NEU3: variants seen among roughly 807,000 people sequenced by gnomAD.
The protein encoded by NEU3 is sialidase-3.
NEU3 carries 10 observed loss-of-function variants against 11.4 expected under a neutral mutation model. That is an observed-to-expected ratio of 0.88 (90% CI 0.54 to 1.49). The LOEUF (loss-of-function observed/expected upper bound fraction) is 1.49. Among genes scored for constraint, NEU3 ranks in the 40% most tolerant of loss-of-function variants. The pLI, the probability that NEU3 is intolerant of heterozygous loss-of-function variation, is 0.00. For missense variants in NEU3, 529 were observed against 581.8 expected (o/e 0.91, Z 0.93); for synonymous variants, 212 against 228.2 (o/e 0.93, Z 0.64).
downstream of NEU3, among the ~76,000 whole-genome samples, chr11:75,019,698 T>G (rs1192832010): frequency 6.6e-6 from 1 of 152,218 alleles, no homozygotes; most frequent in Non-Finnish European, 1.5e-5. Flanking sequence ...TTTCAGAGGA[T>G]GTATGAAAAC....
chr11:74,990,822 T>C (rs1483630449), intron 1 of NEU3, among the ~76,000 whole-genome samples: 1 of 152,196 alleles, frequency 6.6e-6, no homozygotes, highest in African/African-American at 2.4e-5. Context: ...GAGTTTAAAG[T>C]ATGTTCTCTT....
At chr11:75,013,625 G>T (rs1202431124), downstream of NEU3, among the ~76,000 whole-genome samples, 1 of 152,168 alleles carries the variant, frequency 6.6e-6, no homozygotes, top group Non-Finnish European at 1.5e-5. Context: ...AAGTAGTTGG[G>T]AAGGGACTTG....
Position 75,006,268 on chromosome 11 carries a change from G to A in NEU3, c.1162G>A (p.Ala388Thr), listed in dbSNP as rs928119252. Reference protein sequence around the residue: ...IYLNQTPLEAACWSRPWILHC... With the variant: ...IYLNQTPLEATCWSRPWILHC... ...TCTCAACCAGACCCCCTTGGAGGCT[G>A]CCTGCTGGTCCCGCCCCTGGATCTT... The change falls in exon 3 of 3, where the codon GCC becomes ACC. Residue 388 changes from alanine to threonine, a missense_variant. Physicochemically the swap from Ala to Thr is moderately conservative, Grantham distance 58. Transcript: ENST00000294064. 6.2e-7 allele frequency: 1 copy of A among 1,613,858 alleles called. No homozygotes were observed. The highest frequency in any genetic ancestry group is 1.3e-5 in the African/African-American group (1 of 74,930).
chr11:75,019,645 T>C (rs540861086), downstream of NEU3, among the ~76,000 whole-genome samples: 7 of 152,330 alleles, frequency 4.6e-5, no homozygotes, highest in East Asian at 1.2e-3. Flanking sequence ...AGCCTCCCAG[T>C]GCACAGAAGT....
downstream of NEU3, among the ~76,000 whole-genome samples, chr11:75,019,374 T>G (rs1806979230): frequency 6.6e-6 from 1 of 152,210 alleles, no homozygotes; most frequent in Non-Finnish European, 1.5e-5. Flanking sequence ...AATGGTTTCA[T>G]GGGCTGGGCC....
Position 75,005,395 on chromosome 11 carries a change from T to G in NEU3, c.307-18T>G, listed in dbSNP as rs182333615. The G allele has an allele frequency of 1.6e-3, 2,506 of 1,565,736 alleles. 3 individuals carry two copies. The highest frequency in any genetic ancestry group is 1.9e-3 in the Non-Finnish European group (2,140 of 1,156,224). Reference sequence around the variant, plus strand: ...CTATTAGTATCTCACTCCTACTTTCTCCCTTCTCCTTGTCTAGTGGGGGCC... The same window carrying G: ...CTATTAGTATCTCACTCCTACTTTCGCCCTTCTCCTTGTCTAGTGGGGGCC... On this transcript the variant is annotated intron_variant, in intron 2 of 2. Coordinates refer to ENST00000294064, the MANE Select transcript of NEU3 (RefSeq NM_006656.6).
At chr11:74,985,640 C>G (rs1341766930), upstream of NEU3, among the ~76,000 whole-genome samples, 1 of 152,048 alleles carries the variant, frequency 6.6e-6, no homozygotes, top group Non-Finnish European at 1.5e-5. Context: ...ATTTATTCTT[C>G]GATAAAATAA....
At chr11:75,020,514 G>A (rs371612282), downstream of NEU3, among the ~76,000 whole-genome samples, 35 of 152,276 alleles carry the variant, frequency 2.3e-4, 1 homozygote, top group South Asian at 6.9e-3. Context: ...AGTCTCATGA[G>A]GTCTGATGGC....
upstream of NEU3, chr11:74,988,836 A>G (rs1181245224): frequency 9.2e-6 from 5 of 542,314 alleles, no homozygotes; most frequent in Non-Finnish European, 1.6e-5. Context: ...AGGGGGCGGG[A>G]CGGGGAGGGC....
At chr11:75,004,225 TCAA>T in intron 2 of NEU3, 1 of 622,816 alleles carries the variant, frequency 1.6e-6, no homozygotes, top group Non-Finnish European at 2.8e-6. Context: ...CACAGTATTG[TCAA>T]GCTTTATGAT....
the NEU3 span, among the ~76,000 whole-genome samples, chr11:74,982,659 C>T: frequency 6.6e-6 from 1 of 152,068 alleles, no homozygotes; most frequent in African/African-American, 2.4e-5. Flanking sequence ...CTCCTTGGCC[C>T]CATGGGGACA....
At chr11:74,998,103 G>C (rs1169964932) in intron 2 of NEU3, among the ~76,000 whole-genome samples, 1 of 152,202 alleles carries the variant, frequency 6.6e-6, no homozygotes, top group African/African-American at 2.4e-5. Context: ...CTGAAGGAAA[G>C]GAAGAGAGAT....
upstream of NEU3, chr11:74,988,844 GGCTCGCGGAGTA>G (rs2140230048): frequency 1.8e-6 from 1 of 552,588 alleles, no homozygotes; most frequent in South Asian, 2.2e-5. Context: ...GGACGGGGAG[GGCTCGCGGAGTA>G]GGCCAACGGT....
In NEU3 at chr11:75,006,706, G is replaced by T. The variant is rs1948903924; in HGVS notation, c.*214G>T. The T allele has an allele frequency of 1.8e-5, 10 of 550,470 alleles. No homozygotes were observed. Among genetic ancestry groups the T allele is most frequent in the Non-Finnish European group, 3.1e-5 (10 of 320,312 alleles). 34.1% of individuals were successfully genotyped at this position (550,470 alleles called of 1,614,324 possible). On this transcript the variant is annotated 3_prime_UTR_variant, in exon 3 of 3. Coordinates refer to ENST00000294064, the MANE Select transcript of NEU3 (RefSeq NM_006656.6). ...GTTGGAAGACAAGGATGTGGTCCTG[G>T]CTCTGCCACTGGCTTGCTTTTGGAC... is the stretch of plus-strand genomic sequence containing the variant.
Position 74,994,546 on chromosome 11 carries a change from C to A in NEU3, c.132C>A (p.Ser44Arg), listed in dbSNP as rs1186995007. The A allele has an allele frequency of 1.2e-6, 2 of 1,613,294 alleles. No individual in the cohort carries two copies. The highest frequency in any genetic ancestry group is 1.7e-6 in the Non-Finnish European group (2 of 1,179,528). Residue 44 changes from serine to arginine, a missense_variant, in exon 2 of 3, where the codon AGC (serine) becomes AGA (arginine). Coordinates refer to ENST00000294064, the MANE Select transcript of NEU3 (RefSeq NM_006656.6). ...MEEVTTCSFNSPLFRQEDDRG... is the reference protein window; with the variant it reads ...MEEVTTCSFNRPLFRQEDDRG... ...AAGTGACAACATGCTCCTTCAACAG[C>A]CCTCTGTTCCGGCAGGAAGATGACA...
the NEU3 span, among the ~76,000 whole-genome samples, chr11:74,982,176 CTTGAA>C: frequency 2.6e-5 from 4 of 152,190 alleles, no homozygotes; most frequent in Middle Eastern, 3.2e-3. Context: ...TAGGTAGCCA[CTTGAA>C]TTGAAAGTAA....
rs899022570 is a variant in NEU3 at position 75,009,929 on chromosome 11, G to C, written c.*3437G>C. 2.0e-5 allele frequency: 3 copies of C among 152,256 alleles called. No individual in the cohort carries two copies. The highest frequency in any genetic ancestry group is 7.2e-5 in the African/African-American group (3 of 41,446). The allele number at this position is 152,256 out of a possible 1,614,324, so 9.4% of individuals were successfully genotyped here. A position where few individuals can be genotyped will look rare whatever the true frequency, so the allele number is the denominator to read the frequency against. On this transcript the variant is annotated 3_prime_UTR_variant, in exon 3 of 3. Transcript: ENST00000294064. ...GGGTAAGAGGCTTTTCACCCTGCCT[G>C]TTGGGTAGCCCAGAGGACCCACAAA...
chr11:75,002,931 A>G (rs1291695844), intron 2 of NEU3, among the ~76,000 whole-genome samples: 2 of 152,232 alleles, frequency 1.3e-5, no homozygotes, highest in East Asian at 3.8e-4. Context: ...ATTCTATCGT[A>G]TGAACATACC....
chr11:75,018,532 T>TG (rs1948990357), intron 3 of NEU3, among the ~76,000 whole-genome samples: 1 of 152,184 alleles, frequency 6.6e-6, no homozygotes, highest in Non-Finnish European at 1.5e-5. Context: ...GAATGCTTCC[T>TG]ACCCTCAAAC....
Sources: allele counts gnomAD v4.1 joint callset (sites outside exome capture counted in the v4.1 genomes callset), GRCh38; gene constraint gnomAD v4.1.1; transcripts MANE v1.5; gene names NCBI Gene and HGNC (gene_info 2026-07-23, HGNC 2026-07-21).